The following CEP63 variants were observed in gnomAD, a reference collection of about 807,000 sequenced individuals.
The protein encoded by CEP63 is centrosomal protein 63.
A neutral mutation model predicts 89.1 loss-of-function variants in CEP63; 84 were observed. The observed-to-expected ratio is 0.94, with a 90% CI of 0.79 to 1.13. CEP63 has a LOEUF of 1.13. Among genes scored for constraint, CEP63 ranks in the 50% most tolerant of loss-of-function variants. The probability of loss-of-function intolerance (pLI) is 0.00; values close to 1 mark genes in which losing one functional copy is unlikely to be tolerated. For synonymous variants in CEP63, 267 were observed against 272.5 expected (o/e 0.98, Z 0.20); for missense variants, 838 against 813.3 (o/e 1.03, Z -0.37).
chr3:134,716,640 A>C, the CEP63 span, among the ~76,000 whole-genome samples: 1 of 152,122 alleles, frequency 6.6e-6, no homozygotes, highest in African/African-American at 2.4e-5. Context: ...GGTACAGAGG[A>C]CACCTGTGCT....
At chr3:134,650,698 TG>T in the CEP63 span, 2 of 820,498 alleles carry the variant, frequency 2.4e-6, no homozygotes, top group Non-Finnish European at 3.6e-6. Flanking sequence ...ACGGCAGCCA[TG>T]GGGGAGAGGG....
At chr3:134,657,988 C>T in the CEP63 span, among the ~76,000 whole-genome samples, 1 of 152,282 alleles carries the variant, frequency 6.6e-6, no homozygotes, top group South Asian at 2.1e-4. Context: ...CCTCTGCCTC[C>T]CAGGTTCAAG....
At chr3:134,542,459 C>T (rs1029592132) in intron 6 of CEP63, among the ~76,000 whole-genome samples, 6 of 152,146 alleles carry the variant, frequency 3.9e-5, no homozygotes, top group African/African-American at 1.2e-4. Context: ...CTTTAGGCTG[C>T]TCTCTAGTGG....
chr3:134,713,250 A>G, the CEP63 span, among the ~76,000 whole-genome samples: 7 of 152,064 alleles, frequency 4.6e-5, no homozygotes, highest in African/African-American at 1.2e-4. Context: ...CACCTCCACT[A>G]TGGAACCCAG....
chr3:134,756,769 G>A, the CEP63 span, among the ~76,000 whole-genome samples: 1 of 152,176 alleles, frequency 6.6e-6, no homozygotes, highest in Admixed American at 6.5e-5. Context: ...CTGGAAACCA[G>A]TCCTGCCCTG....
chr3:134,509,360 A>G (rs1336572506), intron 3 of CEP63, among the ~76,000 whole-genome samples: 1 of 152,164 alleles, frequency 6.6e-6, no homozygotes, highest in East Asian at 1.9e-4. Flanking sequence ...ACCAGTGGGG[A>G]CATCTGCCCC....
the CEP63 span, chr3:134,604,146 G>A: frequency 1.2e-6 from 2 of 1,608,356 alleles, no homozygotes; most frequent in East Asian, 2.2e-5. Context: ...CGCTGGTGTG[G>A]ATGATAGGGT....
chr3:134,506,355 A>G (rs758123248), intron 2 of CEP63, among the ~76,000 whole-genome samples: 1 of 152,168 alleles, frequency 6.6e-6, no homozygotes, highest in Non-Finnish European at 1.5e-5. Flanking sequence ...TTACAATTGT[A>G]TTATCACTTT....
intron 2 of CEP63, among the ~76,000 whole-genome samples, chr3:134,495,778 C>T (rs1167367826): frequency 6.6e-6 from 1 of 152,170 alleles, no homozygotes; most frequent in Non-Finnish European, 1.5e-5. Flanking sequence ...TACTCTCTAC[C>T]TCCATGAGGT....
intron 2 of CEP63, among the ~76,000 whole-genome samples, chr3:134,497,650 A>G (rs1940591623): frequency 6.6e-6 from 1 of 152,182 alleles, no homozygotes; most frequent in South Asian, 2.1e-4. Context: ...GATCACAGGC[A>G]TCAGCCACTG....
At chr3:134,543,233 T>C (rs1952427029) in intron 6 of CEP63, among the ~76,000 whole-genome samples, 1 of 152,152 alleles carries the variant, frequency 6.6e-6, no homozygotes, top group African/African-American at 2.4e-5. Flanking sequence ...TTTTAATGAG[T>C]CTTTGAAATC....
chr3:134,712,963 T>A, the CEP63 span, among the ~76,000 whole-genome samples: 1 of 152,238 alleles, frequency 6.6e-6, no homozygotes, highest in African/African-American at 2.4e-5. Flanking sequence ...GGCCAGAGCA[T>A]GTCTGATTCC....
the CEP63 span, among the ~76,000 whole-genome samples, chr3:134,676,353 C>T: frequency 2.0e-5 from 3 of 152,064 alleles, no homozygotes; most frequent in African/African-American, 7.2e-5. Context: ...CATATGACTC[C>T]ATTTGTATGA....
In CEP63 at chr3:134,532,869, C is replaced by G. The variant is rs1022799275; in HGVS notation, c.410C>G (p.Ser137Cys). The G allele has an allele frequency of 3.1e-6, 5 of 1,613,610 alleles. No homozygotes were observed. In the African/African-American group the frequency reaches 5.3e-5, roughly 17 times the overall value. ...GNTKNHREDR[S>C]EIERLTAKIE... ...ACCAAAAATCACAGGGAAGATCGGT[C>G]TGAAATTGAGAGGTTAACTGCAAAA... The change falls in exon 5 of 15, where the codon TCT becomes TGT. Residue 137 changes from serine (S) to cysteine (C), a missense_variant. Ser to Cys is a moderately radical substitution (Grantham distance 112, BLOSUM62 -1). Transcript: ENST00000675561.
chr3:134,500,829 TTTAG>T (rs1357676561), intron 2 of CEP63, among the ~76,000 whole-genome samples: 2 of 152,198 alleles, frequency 1.3e-5, no homozygotes, highest in African/African-American at 4.8e-5. Flanking sequence ...GCAGAAGCTC[TTTAG>T]TTAGGTCCCA....
chr3:134,599,138 G>A, the CEP63 span, among the ~76,000 whole-genome samples: 2 of 152,160 alleles, frequency 1.3e-5, no homozygotes, highest in Non-Finnish European at 2.9e-5. Flanking sequence ...ACAGAGACAC[G>A]GCATCACAAA....
intron 4 of CEP63, among the ~76,000 whole-genome samples, 161 bp downstream of exon 4, chr3:134,532,101 TAA>T (rs1949965068): frequency 1.3e-5 from 2 of 152,204 alleles, no homozygotes; most frequent in South Asian, 4.1e-4. Context: ...TTAATCCAGG[TAA>T]AGAGGTTTGC....
At chr3:134,649,507 A>T in the CEP63 span, among the ~76,000 whole-genome samples, 1 of 152,176 alleles carries the variant, frequency 6.6e-6, no homozygotes, top group African/African-American at 2.4e-5. Context: ...TCTCATTTCT[A>T]TCAAGAAGTT....
At chr3:134,594,392 C>T in the CEP63 span, among the ~76,000 whole-genome samples, 2 of 152,188 alleles carry the variant, frequency 1.3e-5, no homozygotes, top group Admixed American at 1.3e-4. Flanking sequence ...ACAGCCAGGG[C>T]GAAATGATGG....
Sources: gnomAD v4.1 joint callset for allele counts (sites outside exome capture counted in the v4.1 genomes callset) on GRCh38, gnomAD v4.1.1 for gene constraint, MANE v1.5 for transcripts, NCBI Gene and HGNC (gene_info 2026-07-23, HGNC 2026-07-21) for gene names.